Variants in NFIB observed in about 807,000 individuals in gnomAD.
The protein encoded by NFIB is nuclear factor 1 B-type.
A neutral mutation model predicts 61.5 loss-of-function variants in NFIB; 11 were observed. The ratio of observed to expected loss-of-function variants is 0.18; its 90% CI spans 0.11 to 0.30. The LOEUF is 0.30. Ranked by LOEUF, NFIB falls within the 10% of genes least tolerant of loss-of-function variation. NFIB has a pLI of 1.00. For synonymous variants in NFIB, 260 were observed against 216.5 expected (o/e 1.20, Z -1.76); for missense variants, 471 against 608.9 (o/e 0.77, Z 2.38).
chr9:14,099,304 G>A (rs1277157630), intron 10 of NFIB, among the ~76,000 whole-genome samples: 1 of 152,038 alleles, frequency 6.6e-6, no homozygotes, highest in Non-Finnish European at 1.5e-5. Flanking sequence ...TTAATTCTTT[G>A]GATGAACAGA....
At chr9:14,116,131 T>C in intron 9 of NFIB, 77 bp downstream of exon 9, 2 of 1,371,520 alleles carry the variant, frequency 1.5e-6, no homozygotes, top group Non-Finnish European at 1.9e-6. Flanking sequence ...GGATCAGATA[T>C]CCAATGGTGC....
chr9:14,148,662 A>AG (rs1212119009), intron 5 of NFIB, among the ~76,000 whole-genome samples: 1 of 152,124 alleles, frequency 6.6e-6, no homozygotes, highest in African/African-American at 2.4e-5. Flanking sequence ...ACATAAGGTA[A>AG]GGACGTCTGA....
At chr9:14,359,264 G>C (rs913282142) in intron 1 of NFIB, among the ~76,000 whole-genome samples, 1 of 152,204 alleles carries the variant, frequency 6.6e-6, no homozygotes, top group East Asian at 1.9e-4. Context: ...GCCTTTGCAC[G>C]TGTGACTAGG....
chr9:14,186,374 G>A (rs1009408956), intron 2 of NFIB, among the ~76,000 whole-genome samples: 4 of 152,078 alleles, frequency 2.6e-5, no homozygotes, highest in Non-Finnish European at 5.9e-5. Context: ...AGAATACCAT[G>A]AGATTTTTTT....
chr9:14,281,178 T>G lies in NFIB; in HGVS notation c.562+25811A>C, dbSNP rs551025555. On this transcript the variant is annotated intron_variant, in intron 2 of 10. Transcript: ENST00000380953. ...AGATTAATCAAAGGCTTGACAGTTG[T>G]TAACAGTTCAACATGGTTCCCATAA... is the stretch of plus-strand genomic sequence containing the variant. Among the ~76,000 whole-genome samples the G allele has an allele frequency of 2.1e-4, 32 of 152,310 alleles. 1 individual carries two copies. The South Asian group carries it at 6.2e-3, about 30-fold the overall frequency.
intron 1 of NFIB, among the ~76,000 whole-genome samples, chr9:14,392,296 A>T (rs1028032163): frequency 6.6e-6 from 1 of 152,228 alleles, no homozygotes; most frequent in Admixed American, 6.5e-5. Context: ...TTGTCTATCA[A>T]CATTGGTTTC....
chr9:14,109,881 C>A (rs1001178929), intron 10 of NFIB, among the ~76,000 whole-genome samples: 4 of 152,010 alleles, frequency 2.6e-5, no homozygotes, highest in African/African-American at 9.7e-5. Flanking sequence ...TTCTTCCAGT[C>A]AGAATAAACT....
intron 2 of NFIB, among the ~76,000 whole-genome samples, chr9:14,291,773 A>T (rs1222356696): frequency 1.3e-5 from 2 of 151,588 alleles, no homozygotes; most frequent in Admixed American, 6.6e-5. Flanking sequence ...ACTAGCTCTG[A>T]CCTTTTCTTT....
At chr9:14,440,563 A>ACAATCTCTCC in the NFIB span, among the ~76,000 whole-genome samples, 2 of 152,202 alleles carry the variant, frequency 1.3e-5, no homozygotes, top group African/African-American at 4.8e-5. Context: ...AAGCGGGGCT[A>ACAATCTCTCC]TGAAATAAAC....
At chr9:14,400,337 G>C (rs574586763), upstream of NFIB, among the ~76,000 whole-genome samples, 5 of 152,316 alleles carry the variant, frequency 3.3e-5, no homozygotes, top group South Asian at 8.3e-4. Flanking sequence ...GTACTTGCAA[G>C]CCTAAGCCTC....
intron 10 of NFIB, among the ~76,000 whole-genome samples, chr9:14,097,052 T>C (rs1587130751): frequency 6.6e-6 from 1 of 152,206 alleles, no homozygotes; most frequent in East Asian, 1.9e-4. Flanking sequence ...AGACCACAGA[T>C]GTTGTGCGTC....
intron 1 of NFIB, among the ~76,000 whole-genome samples, chr9:14,366,799 T>A (rs192946584): frequency 7.2e-5 from 11 of 152,286 alleles, no homozygotes; most frequent in African/African-American, 2.6e-4. Context: ...TTATTCTTTT[T>A]AAATTTTTTT....
upstream of NFIB, chr9:14,314,513 CTT>C (rs1208312589): frequency 1.3e-5 from 2 of 152,196 alleles, no homozygotes; most frequent in African/African-American, 4.8e-5. Context: ...CCCTCCCTCT[CTT>C]GCTTTCTTTC....
intron 10 of NFIB, among the ~76,000 whole-genome samples, chr9:14,096,023 A>G (rs2034729357): frequency 6.6e-6 from 1 of 152,134 alleles, no homozygotes; most frequent in Non-Finnish European, 1.5e-5. Context: ...TTATTCATTC[A>G]TAGTCTTTGT....
intron 1 of NFIB, among the ~76,000 whole-genome samples, chr9:14,350,145 C>T (rs2061088844): frequency 1.3e-5 from 2 of 152,230 alleles, no homozygotes; most frequent in Middle Eastern, 3.4e-3. Context: ...CTCGGTGCCT[C>T]TGTATTATTT....
the NFIB span, among the ~76,000 whole-genome samples, chr9:14,458,302 G>C: frequency 6.6e-6 from 1 of 152,162 alleles, no homozygotes; most frequent in Non-Finnish European, 1.5e-5. Context: ...AAAGGCCTTT[G>C]ACAAAATTCA....
chr9:14,231,306 G>GAGGGAGAGAGACAAGGAA, intron 2 of NFIB, among the ~76,000 whole-genome samples: 1 of 151,686 alleles, frequency 6.6e-6, no homozygotes, highest in Non-Finnish European at 1.5e-5. Flanking sequence ...GAGACAGAGA[G>GAGGGAGAGAGACAAGGAA]AGGGAGAGAG....
chr9:14,458,938 C>G, the NFIB span, among the ~76,000 whole-genome samples: 1 of 152,074 alleles, frequency 6.6e-6, no homozygotes, highest in Non-Finnish European at 1.5e-5. Context: ...AATGGCCATA[C>G]TGCCCAAGGT....
chr9:14,357,473 T>C (rs2061189635), intron 1 of NFIB: 1 of 152,192 alleles, frequency 6.6e-6, no homozygotes, highest in Non-Finnish European at 1.5e-5. Flanking sequence ...GATCCAACTT[T>C]TTCCTGATAG....
Sources: gnomAD v4.1 joint callset for allele counts (sites outside exome capture counted in the v4.1 genomes callset) on GRCh38, gnomAD v4.1.1 for gene constraint, MANE v1.5 for transcripts, NCBI Gene and HGNC (gene_info 2026-07-23, HGNC 2026-07-21) for gene names.